The following LYPLAL1 variants were observed in gnomAD, a reference collection of about 807,000 sequenced individuals.
LYPLAL1 encodes the protein lysophospholipase like 1.
Under a neutral mutation model 19.7 loss-of-function variants are expected in LYPLAL1, and 23 were observed. The observed-to-expected ratio is 1.17, with a 90% CI of 0.84 to 1.65. The LOEUF is 1.65. LYPLAL1 is among the 40% of genes most tolerant of loss of function. The pLI is 0.00. For missense variants in LYPLAL1, 355 were observed against 279.4 expected (o/e 1.27, Z -1.93); for synonymous variants, 119 against 96.3 (o/e 1.24, Z -1.38).
At chr1:219,438,247 C>A in the LYPLAL1 span, among the ~76,000 whole-genome samples, 14 of 152,298 alleles carry the variant, frequency 9.2e-5, no homozygotes, top group Non-Finnish European at 1.8e-4. Context: ...GGTGGTAACA[C>A]CTCTATAGTA....
the LYPLAL1 span, among the ~76,000 whole-genome samples, chr1:219,295,389 G>A: frequency 6.6e-6 from 1 of 152,020 alleles, no homozygotes; most frequent in Non-Finnish European, 1.5e-5. Flanking sequence ...TTGTAAATTT[G>A]TCTTGATTTG....
chr1:219,395,539 G>C, the LYPLAL1 span, among the ~76,000 whole-genome samples: 1 of 152,000 alleles, frequency 6.6e-6, no homozygotes, highest in Non-Finnish European at 1.5e-5. Context: ...ATGTATAGTT[G>C]GCAAAAATTT....
the LYPLAL1 span, among the ~76,000 whole-genome samples, chr1:219,247,897 A>G: frequency 6.6e-6 from 1 of 151,936 alleles, no homozygotes; most frequent in Admixed American, 6.6e-5. Flanking sequence ...ACAGGGGAAA[A>G]GGGTAGAGAG....
chr1:219,382,334 C>T, the LYPLAL1 span, among the ~76,000 whole-genome samples: 2 of 152,172 alleles, frequency 1.3e-5, no homozygotes, highest in African/African-American at 4.8e-5. Flanking sequence ...TCATTGCAAA[C>T]TGCATTCCAA....
chr1:219,300,670 G>A, the LYPLAL1 span, among the ~76,000 whole-genome samples: 1 of 151,582 alleles, frequency 6.6e-6, no homozygotes, highest in East Asian at 2.0e-4. Flanking sequence ...GAGTAGCTGG[G>A]ACTACAGGCA....
At chr1:219,280,048 A>G in the LYPLAL1 span, among the ~76,000 whole-genome samples, 1 of 152,350 alleles carries the variant, frequency 6.6e-6, no homozygotes, top group Non-Finnish European at 1.5e-5. Context: ...ATGAGGTGGC[A>G]GAATAGAATG....
At chr1:219,327,107 A>T in the LYPLAL1 span, among the ~76,000 whole-genome samples, 1 of 152,120 alleles carries the variant, frequency 6.6e-6, no homozygotes, top group Non-Finnish European at 1.5e-5. Flanking sequence ...AAAAAACAAA[A>T]ACAAACAAAC....
Position 219,212,316 on chromosome 1 carries a change from C to G in LYPLAL1, c.*588C>G, listed in dbSNP as rs1282624199. On this transcript the variant is annotated 3_prime_UTR_variant, in exon 5 of 5. Coordinates refer to ENST00000366928, the MANE Select transcript of LYPLAL1 (RefSeq NM_138794.5). The stretch of plus-strand genomic sequence containing the variant: ...CCTAATTCTCAGTGGAGCTCTATTT[C>G]TGTTAACCCAAATTGCTGCTCTGTT... The G allele has an allele frequency of 6.6e-6, 1 of 152,062 alleles. No homozygotes were observed. Among genetic ancestry groups the G allele is most frequent in the East Asian group, 1.9e-4 (1 of 5,192 alleles). 9.4% of individuals were successfully genotyped at this position (152,062 alleles called of 1,614,324 possible). A position where few individuals can be genotyped will look rare whatever the true frequency, so the allele number is the denominator to read the frequency against.
the LYPLAL1 span, among the ~76,000 whole-genome samples, chr1:219,236,732 GT>G: frequency 5.9e-5 from 9 of 152,178 alleles, no homozygotes; most frequent in Non-Finnish European, 1.2e-4. Context: ...TGAAATACCA[GT>G]TGCCTGTAAG....
chr1:219,400,356 T>C, the LYPLAL1 span, among the ~76,000 whole-genome samples: 7 of 152,152 alleles, frequency 4.6e-5, no homozygotes, highest in East Asian at 1.3e-3. Flanking sequence ...TTAAAGAATG[T>C]GTCACCCAGA....
the LYPLAL1 span, among the ~76,000 whole-genome samples, chr1:219,286,092 G>C: frequency 7.2e-5 from 11 of 152,262 alleles, no homozygotes; most frequent in Admixed American, 7.2e-4. Flanking sequence ...TGAAGCTCTT[G>C]GGGACTAAAT....
chr1:219,315,720 G>T, the LYPLAL1 span, among the ~76,000 whole-genome samples: 7 of 152,104 alleles, frequency 4.6e-5, no homozygotes, highest in African/African-American at 1.7e-4. Flanking sequence ...GGGAGTTCTG[G>T]TGATTATAAA....
At chr1:219,288,876 A>T in the LYPLAL1 span, among the ~76,000 whole-genome samples, 1 of 152,172 alleles carries the variant, frequency 6.6e-6, no homozygotes, top group Non-Finnish European at 1.5e-5. Context: ...ATTGTGGTAG[A>T]AGTACGCTTT....
the LYPLAL1 span, among the ~76,000 whole-genome samples, chr1:219,424,621 TC>T: frequency 6.6e-6 from 1 of 152,104 alleles, no homozygotes; most frequent in Admixed American, 6.6e-5. Context: ...CCTGATGACA[TC>T]CTCATACCAA....
chr1:219,280,588 T>C, the LYPLAL1 span, among the ~76,000 whole-genome samples: 1 of 152,178 alleles, frequency 6.6e-6, no homozygotes, highest in Non-Finnish European at 1.5e-5. Flanking sequence ...ACAACATATA[T>C]GTTTAGTCTA....
the LYPLAL1 span, among the ~76,000 whole-genome samples, chr1:219,303,361 ATAATT>A: frequency 1.2e-3 from 188 of 152,360 alleles, no homozygotes; most frequent in Middle Eastern, 3.4e-3. Context: ...AGATTAATAA[ATAATT>A]TAAGAGTCAT....
chr1:219,196,256 T>A (rs1657592711), intron 3 of LYPLAL1, among the ~76,000 whole-genome samples: 1 of 152,196 alleles, frequency 6.6e-6, no homozygotes. Flanking sequence ...TGCCACACTG[T>A]CTTCCACAAT....
chr1:219,299,391 T>TA, the LYPLAL1 span, among the ~76,000 whole-genome samples: 1 of 152,084 alleles, frequency 6.6e-6, no homozygotes, highest in Non-Finnish European at 1.5e-5. Flanking sequence ...CGGGAAAGTT[T>TA]AAAAAAAGAA....
chr1:219,233,851 A>G, the LYPLAL1 span, among the ~76,000 whole-genome samples: 1 of 152,216 alleles, frequency 6.6e-6, no homozygotes, highest in African/African-American at 2.4e-5. Flanking sequence ...ATGCAGTCAG[A>G]TATCAATAAT....
Sources: gnomAD v4.1 joint callset for allele counts (sites outside exome capture counted in the v4.1 genomes callset) on GRCh38, gnomAD v4.1.1 for gene constraint, MANE v1.5 for transcripts, NCBI Gene and HGNC (gene_info 2026-07-23, HGNC 2026-07-21) for gene names.